Variants in CRACD observed in about 807,000 individuals in gnomAD.
The protein encoded by CRACD is capping protein-inhibiting regulator of actin dynamics.
Under a neutral mutation model 106.8 loss-of-function variants are expected in CRACD, and 56 were observed. The ratio of observed to expected loss-of-function variants is 0.52; its 90% CI spans 0.42 to 0.66. The LOEUF (loss-of-function observed/expected upper bound fraction) is 0.66. Among genes scored for constraint, CRACD ranks in the 30% least tolerant of loss-of-function variants. CRACD has a pLI of 0.00. For missense variants in CRACD, 1,730 were observed against 1,623.2 expected, an observed-to-expected ratio of 1.07 and a Z score of -1.13; for synonymous variants, 754 against 670.8, an observed-to-expected ratio of 1.12 and a Z score of -1.92.
chr4:56,268,535 A>G (rs1742161348), intron 2 of CRACD, among the ~76,000 whole-genome samples: 8 of 152,246 alleles, frequency 5.3e-5, no homozygotes, highest in Admixed American at 5.2e-4. Context: ...GGCAACTGAT[A>G]TAAAAGGAAA....
chr4:56,316,458 G>A lies in CRACD; in HGVS notation c.2956G>A (p.Val986Ile), dbSNP rs1745659966. The A allele has an allele frequency of 1.2e-6, 2 of 1,614,070 alleles. No homozygotes were observed. The highest frequency in any genetic ancestry group is 2.2e-5 in the East Asian group (1 of 44,882). The change falls in exon 8 of 11, where the codon GTA becomes ATA. Residue 986 changes from valine (V) to isoleucine (I), a missense_variant. By Grantham distance (29) the Val-to-Ile change is conservative (BLOSUM62 3). Around this residue, in one of 5 missense-constraint regions of CRACD, gnomAD observed 1,620 missense variants for 1,481.6 expected, o/e 1.09. Coordinates refer to ENST00000682029, the MANE Select transcript of CRACD (RefSeq NM_001393381.1). The stretch of plus-strand genomic sequence containing the variant: ...TTCCAAACTGAGCAGGCCCTACTTG[G>A]TAGAGCTGCTGTCTCGCCGAGCGGG... ...PLSKLSRPYL[V>I]ELLSRRAGRP...
At chr4:56,122,186 T>TA (rs60318169) in intron 1 of CRACD, among the ~76,000 whole-genome samples, 17,652 of 150,626 alleles carry the variant, frequency 0.12, 1,110 homozygotes, top group East Asian at 0.2. Flanking sequence ...TCCATCTCTT[T>TA]AAAAAAAAAT....
intron 1 of CRACD, among the ~76,000 whole-genome samples, chr4:56,065,380 G>A (rs977096037): frequency 2.0e-5 from 3 of 152,100 alleles, no homozygotes; most frequent in South Asian, 2.1e-4. Flanking sequence ...GAGCCACTGC[G>A]CCCAGCACCA....
intron 8 of CRACD, among the ~76,000 whole-genome samples, chr4:56,322,652 A>ATC (rs1426453734): frequency 6.6e-6 from 1 of 152,178 alleles, no homozygotes; most frequent in Non-Finnish European, 1.5e-5. Flanking sequence ...CTCCTTTTTC[A>ATC]TCTTTCCAAC....
At chr4:56,054,335 C>T (rs886219206) in intron 1 of CRACD, among the ~76,000 whole-genome samples, 3 of 152,096 alleles carry the variant, frequency 2.0e-5, no homozygotes, top group Non-Finnish European at 2.9e-5. Flanking sequence ...CGCATGCCAC[C>T]ACATCTGGTT....
chr4:56,097,646 T>C (rs1383308236), intron 1 of CRACD: 1 of 152,298 alleles, frequency 6.6e-6, no homozygotes, highest in South Asian at 2.1e-4. Flanking sequence ...TGCAAGGACA[T>C]GATTGTGATG....
In CRACD at chr4:56,313,331, T is replaced by C; in HGVS notation, c.489T>C (p.Val163=). 1 of 1,614,150 alleles carries C rather than the reference T, an allele frequency of 6.2e-7. No homozygotes were observed. The highest frequency in any genetic ancestry group is 1.7e-4 in the Middle Eastern group (1 of 6,050). ...GTGCCGCCAAGCACAAGCTGGCTGT[T>C]AAGCCAAAAAAACAGAGGGTGTCAA... ...DNSAAKHKLA[V]KPKKQRVSKK... Residue 163 remains valine, a synonymous_variant, in exon 7 of 11, where the codon GTT becomes GTC. Transcript: ENST00000682029.
At chr4:56,113,028 A>C (rs1199418601) in intron 1 of CRACD, among the ~76,000 whole-genome samples, 1 of 152,202 alleles carries the variant, frequency 6.6e-6, no homozygotes, top group Non-Finnish European at 1.5e-5. Flanking sequence ...CTAACCGTCT[A>C]TCTGTTCAAA....
At chr4:56,230,384 T>C (rs1333808610) in intron 2 of CRACD, among the ~76,000 whole-genome samples, 2 of 152,134 alleles carry the variant, frequency 1.3e-5, no homozygotes, top group African/African-American at 4.8e-5. Flanking sequence ...TATACATCAA[T>C]TGTTCTATTA....
rs567264479 is a variant in CRACD, at chr4:56,288,386, C to A, written c.-16-9828C>A. The A allele has an allele frequency of 1.4e-3, 318 of 228,274 alleles. 5 individuals are homozygous for A. In the South Asian group the frequency reaches 0.019, roughly 14 times the overall value. The allele number at this position is 228,274 out of a possible 1,614,324, so 14.1% of individuals were successfully genotyped here. On this transcript the variant is annotated intron_variant, in intron 3 of 10. Transcript: ENST00000682029. The stretch of plus-strand genomic sequence containing the variant: ...CAATAGGAAATGTATCAGCTCTTGC[C>A]CCCCGCTCCCTCCCTCTCTCCTATT...
chr4:56,184,133 C>T (rs922507952), intron 2 of CRACD, among the ~76,000 whole-genome samples: 1 of 152,018 alleles, frequency 6.6e-6, no homozygotes, highest in Non-Finnish European at 1.5e-5. Flanking sequence ...TGCAGTGGCG[C>T]GATCTCAGCT....
intron 3 of CRACD, among the ~76,000 whole-genome samples, chr4:56,273,314 T>A (rs1742474218): frequency 6.6e-6 from 1 of 151,680 alleles, no homozygotes; most frequent in Admixed American, 6.6e-5. Context: ...CCTTTCTTCC[T>A]TCCTTCCTTC....
At chr4:56,160,463 T>C (rs1289416911) in intron 1 of CRACD, among the ~76,000 whole-genome samples, 4 of 152,268 alleles carry the variant, frequency 2.6e-5, no homozygotes, top group African/African-American at 9.6e-5. Flanking sequence ...GGATTACAGG[T>C]GTGAGCCACC....
intron 2 of CRACD, among the ~76,000 whole-genome samples, chr4:56,209,672 T>C (rs907252712): frequency 6.6e-6 from 1 of 152,184 alleles, no homozygotes; most frequent in African/African-American, 2.4e-5. Context: ...AAAAATAAGA[T>C]GCCAAACTAT....
chr4:56,065,961 G>A (rs912198919), intron 1 of CRACD, among the ~76,000 whole-genome samples: 2 of 152,162 alleles, frequency 1.3e-5, no homozygotes, highest in African/African-American at 4.8e-5. Flanking sequence ...GTATCTGACT[G>A]GTTTCATATG....
intron 4 of CRACD, among the ~76,000 whole-genome samples, chr4:56,306,766 C>T (rs943319385): frequency 1.3e-5 from 2 of 152,122 alleles, no homozygotes; most frequent in Non-Finnish European, 2.9e-5. Flanking sequence ...CTCCCTTTTC[C>T]CTGTCCTTCT....
chr4:56,314,501 G>T lies in CRACD; in HGVS notation c.999G>T (p.Arg333=), dbSNP rs1032024889. The T allele has an allele frequency of 6.6e-7, 1 of 1,517,964 alleles. No individual in the cohort carries two copies. Among genetic ancestry groups the T allele is most frequent in the Middle Eastern group, 2.4e-4 (1 of 4,248 alleles). The allele number at this position is 1,517,964 out of a possible 1,614,324, so 94.0% of individuals were successfully genotyped here. A position where few individuals can be genotyped will look rare whatever the true frequency, so the allele number is the denominator to read the frequency against. ...CCCAGGCCCAAGCGGAGGAGAGGCG[G>T]CGGCTGGAGGAGGACGCCAGGCTGG... is the stretch of plus-strand genomic sequence containing the variant. The part of the protein sequence containing the change: ...LQAQAQAEER[R]RLEEDARLEE... Residue 333 remains arginine, a synonymous_variant, in exon 8 of 11, where the codon CGG becomes CGT. Transcript: ENST00000682029. The surrounding 1 kb of genome is among the most constrained non-coding windows in gnomAD (Gnocchi z 4.4).
At chr4:56,074,136 CT>C (rs201948117) in intron 1 of CRACD, among the ~76,000 whole-genome samples, 54,147 of 151,864 alleles carry the variant, frequency 0.36, 10,192 homozygotes, top group African/African-American at 0.48. Context: ...TAGCTTTGTT[CT>C]TTTTTGCTTA....
chr4:56,270,499 T>C (rs979297308), intron 2 of CRACD, among the ~76,000 whole-genome samples: 1 of 152,220 alleles, frequency 6.6e-6, no homozygotes, highest in Non-Finnish European at 1.5e-5. Flanking sequence ...CTGGGGCCTC[T>C]GATAGTCAGC....
Sources: allele counts gnomAD v4.1 joint callset (sites outside exome capture counted in the v4.1 genomes callset), GRCh38; gene constraint gnomAD v4.1.1; regional missense constraint gnomAD v4.1.1; non-coding constraint Gnocchi (gnomAD v3.1); transcripts MANE v1.5; gene names NCBI Gene and HGNC (gene_info 2026-07-23, HGNC 2026-07-21).